The following HYCC1 variants were observed in gnomAD, a reference collection of about 807,000 sequenced individuals.
HYCC1 encodes the protein hyccin.
At chr7:22,978,570 C>A in the HYCC1 span, 1 of 830,706 alleles carries the variant, frequency 1.2e-6, no homozygotes, top group Non-Finnish European at 1.9e-6. Flanking sequence ...CTTAAAATAG[C>A]TAAGTTGTAG....
the HYCC1 span, among the ~76,000 whole-genome samples, chr7:22,911,541 C>T: frequency 0.034 from 5,103 of 152,264 alleles, 121 homozygotes; most frequent in Non-Finnish European, 0.05. Flanking sequence ...GGGCGGATCA[C>T]GAGGTCAAGA....
At chr7:22,964,565 T>C in the HYCC1 span, 13 of 1,268,018 alleles carry the variant, frequency 1.0e-5, no homozygotes, top group Non-Finnish European at 1.4e-5. Flanking sequence ...TTTCTAAAAT[T>C]GGTAAAATTT....
chr7:22,970,438 G>C, the HYCC1 span, among the ~76,000 whole-genome samples: 3 of 152,318 alleles, frequency 2.0e-5, no homozygotes, highest in East Asian at 5.8e-4. Context: ...CTAAGCTCTT[G>C]TGATATAGCA....
At chr7:22,976,851 G>A in the HYCC1 span, 1 of 1,155,196 alleles carries the variant, frequency 8.7e-7, no homozygotes, top group Non-Finnish European at 1.3e-6. Context: ...AAGCTATTCT[G>A]CTGAAAAGGT....
the HYCC1 span, among the ~76,000 whole-genome samples, chr7:22,896,659 G>A: frequency 6.6e-6 from 1 of 152,108 alleles, no homozygotes; most frequent in Admixed American, 6.5e-5. Context: ...GCATTCCCTG[G>A]CAGAGAGGAG....
At chr7:22,955,691 C>T in the HYCC1 span, among the ~76,000 whole-genome samples, 2 of 151,406 alleles carry the variant, frequency 1.3e-5, no homozygotes, top group African/African-American at 4.8e-5. Context: ...GAGAAAATAG[C>T]AATTAGATTT....
chr7:22,922,582 A>G, the HYCC1 span, among the ~76,000 whole-genome samples: 3 of 152,246 alleles, frequency 2.0e-5, no homozygotes, highest in Non-Finnish European at 4.4e-5. Flanking sequence ...TACTAAATTC[A>G]TATCACTTTC....
the HYCC1 span, among the ~76,000 whole-genome samples, chr7:23,002,574 G>A: frequency 6.6e-6 from 1 of 152,084 alleles, no homozygotes; most frequent in African/African-American, 2.4e-5. Flanking sequence ...AGGTGAAGGA[G>A]GAGGCAAATA....
chr7:22,971,279 T>C, the HYCC1 span, among the ~76,000 whole-genome samples: 7 of 148,318 alleles, frequency 4.7e-5, 1 homozygote, highest in South Asian at 1.5e-3. Flanking sequence ...ATTCAGATAA[T>C]ATATTTATAT....
chr7:22,929,441 A>C, the HYCC1 span, among the ~76,000 whole-genome samples: 1 of 152,176 alleles, frequency 6.6e-6, no homozygotes, highest in Admixed American at 6.5e-5. Context: ...CAACCTACTC[A>C]ATCTGACAAA....
the HYCC1 span, among the ~76,000 whole-genome samples, chr7:22,928,370 C>A: frequency 2.0e-5 from 3 of 152,130 alleles, no homozygotes; most frequent in Non-Finnish European, 2.9e-5. Context: ...AAAGGGCACT[C>A]AATTAGGAAA....
chr7:23,009,788 T>C, the HYCC1 span, among the ~76,000 whole-genome samples: 1 of 152,200 alleles, frequency 6.6e-6, no homozygotes, highest in Middle Eastern at 3.2e-3. Context: ...TATCCTCCAG[T>C]GTATTTAAAA....
chr7:22,936,410 G>A, the HYCC1 span: 4 of 152,136 alleles, frequency 2.6e-5, no homozygotes, highest in South Asian at 2.1e-4. Context: ...CAGTATAGCC[G>A]CTTTGCCCAT....
At chr7:22,968,625 T>A in the HYCC1 span, among the ~76,000 whole-genome samples, 3 of 152,190 alleles carry the variant, frequency 2.0e-5, no homozygotes, top group Non-Finnish European at 4.4e-5. Context: ...TCTCAGGCTG[T>A]CACCCCCTTT....
chr7:22,999,572 C>A, the HYCC1 span, among the ~76,000 whole-genome samples: 2 of 151,930 alleles, frequency 1.3e-5, no homozygotes, highest in Non-Finnish European at 2.9e-5. Context: ...GTCGACAGCC[C>A]GTTCATATAA....
At chr7:23,013,485 A>G in the HYCC1 span, among the ~76,000 whole-genome samples, 8 of 152,190 alleles carry the variant, frequency 5.3e-5, no homozygotes, top group African/African-American at 1.9e-4. Context: ...GGCAGAGGCC[A>G]GAGCATCCGC....
At chr7:22,954,983 T>C in the HYCC1 span, among the ~76,000 whole-genome samples, 2 of 151,566 alleles carry the variant, frequency 1.3e-5, no homozygotes, top group African/African-American at 4.8e-5. Flanking sequence ...ATGTAATTTC[T>C]ATTTTTATAT....
the HYCC1 span, among the ~76,000 whole-genome samples, chr7:22,929,038 A>G: frequency 0.016 from 2,451 of 152,304 alleles, 69 homozygotes; most frequent in African/African-American, 0.056. Flanking sequence ...ATAATGCCAC[A>G]TATCTACAAC....
At chr7:22,937,318 G>A in the HYCC1 span, 2 of 152,146 alleles carry the variant, frequency 1.3e-5, no homozygotes, top group East Asian at 1.9e-4. Context: ...AGTGAGACAA[G>A]GAGCAAGAAT....
Sources: allele counts gnomAD v4.1 joint callset (sites outside exome capture counted in the v4.1 genomes callset), GRCh38; gene constraint gnomAD v4.1.1; transcripts MANE v1.5; gene names NCBI Gene and HGNC (gene_info 2026-07-23, HGNC 2026-07-21).